Variants in C5orf15 observed in about 807,000 individuals in gnomAD.
C5orf15 encodes keratinocyte-associated transmembrane protein 2.
A neutral mutation model predicts 17.8 loss-of-function variants in C5orf15; 10 were observed. The observed-to-expected ratio is 0.56, with a 90% CI of 0.35 to 0.95. The LOEUF (loss-of-function observed/expected upper bound fraction) is 0.95, where lower values mean the gene tolerates loss of function less well. Among genes scored for constraint, C5orf15 ranks in the 40% least tolerant of loss-of-function variants. C5orf15 has a pLI of 0.02. For synonymous variants in C5orf15, 124 were observed against 131.0 expected, an observed-to-expected ratio of 0.95 and a Z score of 0.36; for missense variants, 319 against 331.7, an observed-to-expected ratio of 0.96 and a Z score of 0.30.
In C5orf15 at chr5:133,968,560, T is replaced by C. The variant is rs1752231159; in HGVS notation, c.25A>G (p.Met9Val). The C allele has an allele frequency of 6.2e-7, 1 of 1,609,956 alleles. No individual in the cohort carries two copies. Among genetic ancestry groups the C allele is most frequent in the African/African-American group, 1.3e-5 (1 of 74,994 alleles). MAAAVPKRMRGPAQAKLLP... is the reference protein window; with the variant it reads MAAAVPKRVRGPAQAKLLP... The stretch of plus-strand genomic sequence containing the variant: ...AGTTTCGCTTGTGCTGGCCCCCTCA[T>C]CCTCTTCGGGACGGCAGCGGCCATA... The change falls in exon 1 of 3, where the codon ATG (methionine) becomes GTG (valine). Residue 9 changes from methionine (M) to valine (V), a missense_variant. Met to Val is a conservative substitution (Grantham distance 21). Coordinates refer to ENST00000231512, the MANE Select transcript of C5orf15 (RefSeq NM_020199.3).
chr5:133,957,494 G>A (rs563274802), intron 2 of C5orf15, among the ~76,000 whole-genome samples: 1 of 152,294 alleles, frequency 6.6e-6, no homozygotes, highest in Admixed American at 6.5e-5. Context: ...TTCAGAGACT[G>A]AGTTAGTACT....
intron 1 of C5orf15, among the ~76,000 whole-genome samples, chr5:133,965,171 G>A (rs999533975): frequency 4.6e-5 from 7 of 151,988 alleles, no homozygotes; most frequent in East Asian, 1.9e-4. Flanking sequence ...ATATGCTCTC[G>A]ATTCAACTCT....
chr5:133,958,699 T>C (rs905386425), intron 2 of C5orf15, among the ~76,000 whole-genome samples: 11 of 151,466 alleles, frequency 7.3e-5, no homozygotes, highest in African/African-American at 2.7e-4. Context: ...AAAACGTTAA[T>C]GCTGAGAAGT....
In C5orf15 at chr5:133,968,607, C is replaced by G. The variant is rs771604817; in HGVS notation, c.-23G>C. 5.7e-6 allele frequency: 9 copies of G among 1,592,654 alleles called. No individual in the cohort carries two copies. Among genetic ancestry groups the G allele is most frequent in the African/African-American group, 1.3e-5 (1 of 74,600 alleles). ...CATAACGGACTCGGCTGGGAGCCTGCGCTGTTGCTAGGCTCTACGCCATGA... is the reference window on the plus strand; with the variant it reads ...CATAACGGACTCGGCTGGGAGCCTGGGCTGTTGCTAGGCTCTACGCCATGA... On this transcript the variant is annotated 5_prime_UTR_variant, in exon 1 of 3. Coordinates refer to ENST00000231512, the MANE Select transcript of C5orf15 (RefSeq NM_020199.3).
At position 133,959,880 on chromosome 5, in the gene C5orf15, T is replaced by A; in HGVS notation, c.280A>T (p.Thr94Ser). ...ACAGATGCTCCTCCACTTTTCTTGG[T>A]ACTCGTCGTGGGAGGGAGGGTGGTG... The part of the protein sequence containing the change: ...ISTTLPPTTS[T>S]KKSGGASVVP... The change falls in exon 2 of 3, where the codon ACC becomes TCC. Residue 94 changes from threonine to serine, a missense_variant. Thr to Ser is a moderately conservative substitution (Grantham distance 58). This residue lies in a region of C5orf15 where 17 missense variants were observed against 43.6 expected (regional missense o/e 0.39). Coordinates refer to ENST00000231512, the MANE Select transcript of C5orf15 (RefSeq NM_020199.3). 6.2e-7 allele frequency: 1 copy of A among 1,614,092 alleles called. No homozygotes were observed. Among genetic ancestry groups the A allele is most frequent in the Non-Finnish European group, 8.5e-7 (1 of 1,179,990 alleles).
chr5:133,966,198 C>T (rs551918238), intron 1 of C5orf15, among the ~76,000 whole-genome samples: 19 of 151,524 alleles, frequency 1.3e-4, no homozygotes, highest in Admixed American at 3.9e-4. Context: ...TCCAGCCTCG[C>T]GACAGACTCA....
chr5:133,957,706 TAG>T (rs1473174135), intron 2 of C5orf15, among the ~76,000 whole-genome samples: 1 of 152,256 alleles, frequency 6.6e-6, no homozygotes, highest in African/African-American at 2.4e-5. Context: ...GAACTATTAT[TAG>T]AGTCACTGAT....
At chr5:133,961,341 C>T (rs1253698763) in intron 1 of C5orf15, among the ~76,000 whole-genome samples, 2 of 149,646 alleles carry the variant, frequency 1.3e-5, no homozygotes, top group Non-Finnish European at 1.5e-5. Context: ...GTCAGGAGCT[C>T]GAGACCATCC....
chr5:133,957,378 C>A (rs201223386), intron 2 of C5orf15, among the ~76,000 whole-genome samples: 75 of 146,944 alleles, frequency 5.1e-4, no homozygotes, highest in East Asian at 8.0e-4. Flanking sequence ...AAAAAAAAAA[C>A]AAAAGCTATT....
intron 1 of C5orf15, among the ~76,000 whole-genome samples, chr5:133,964,715 A>G (rs954991038): frequency 1.3e-5 from 2 of 152,240 alleles, no homozygotes; most frequent in Non-Finnish European, 2.9e-5. Context: ...AATGGCAACT[A>G]CATCTTTGTA....
chr5:133,957,479 C>G (rs117657824), intron 2 of C5orf15, among the ~76,000 whole-genome samples: 56 of 152,288 alleles, frequency 3.7e-4, no homozygotes, highest in East Asian at 2.5e-3. Context: ...TTCCTAGGCT[C>G]TATCTTCAGA....
chr5:133,968,564 C>T lies in C5orf15; in HGVS notation c.21G>A (p.Lys7=). 1 of 1,609,824 alleles carries T rather than the reference C, an allele frequency of 6.2e-7. No individual in the cohort carries two copies. Among genetic ancestry groups the T allele is most frequent in the Non-Finnish European group, 8.5e-7 (1 of 1,178,626 alleles). MAAAVP[K]RMRGPAQAKL... is the part of the protein sequence containing the mutation. ...TCGCTTGTGCTGGCCCCCTCATCCT[C>T]TTCGGGACGGCAGCGGCCATAACGG... The change falls in exon 1 of 3, where the codon AAG becomes AAA. Residue 7 remains lysine (K), a synonymous_variant. Transcript: ENST00000231512.
rs1449582539 is a variant in C5orf15, at chr5:133,959,613, T to G, written c.547A>C (p.Lys183Gln). The change falls in exon 2 of 3, where the codon AAA becomes CAA. Residue 183 changes from lysine to glutamine, a missense_variant. This residue lies in a region of C5orf15 where 175 missense variants were observed against 192.4 expected (regional missense o/e 0.91). Coordinates refer to ENST00000231512, the MANE Select transcript of C5orf15 (RefSeq NM_020199.3). ...TTTGAGGATGGCATCTTAAAAGATT[T>G]CACTGACTGTTCAATTTCCATGTAA... The part of the protein sequence containing the change: ...RGYMEIEQSV[K>Q]SFKMPSSNIE... 5 of 1,613,114 alleles carry G rather than the reference T, an allele frequency of 3.1e-6. No individual in the cohort carries two copies. In the African/African-American group the frequency reaches 6.7e-5, roughly 22 times the overall value.
intron 2 of C5orf15, among the ~76,000 whole-genome samples, chr5:133,957,793 G>A (rs192896440): frequency 7.2e-5 from 11 of 152,364 alleles, no homozygotes; most frequent in Admixed American, 3.3e-4. Flanking sequence ...TCAAGGCCCC[G>A]AAGGGGAAGG....
At chr5:133,967,224 GC>G (rs1486061245) in intron 1 of C5orf15, among the ~76,000 whole-genome samples, 3 of 152,186 alleles carry the variant, frequency 2.0e-5, no homozygotes, top group Non-Finnish European at 4.4e-5. Flanking sequence ...TGATAAAAGG[GC>G]CTTAGGAAAT....
At position 133,957,060 on chromosome 5, in the gene C5orf15, TA is replaced by T. The variant is rs1752051908; in HGVS notation, c.667-71del. ...ATATGGTAAACATTTTTATAACAAG[TA>T]AAATATCTCTCTTCTAGGTTTCTAA... is the stretch of plus-strand genomic sequence containing the variant. On this transcript the variant is annotated intron_variant, in intron 2 of 2. Transcript: ENST00000231512. The T allele has an allele frequency of 4.7e-6, 6 of 1,265,638 alleles. No homozygotes were observed. In the South Asian group the frequency reaches 8.0e-5, roughly 17 times the overall value. 78.4% of individuals were successfully genotyped at this position (1,265,638 alleles called of 1,614,324 possible).
rs1561576384 is a variant in C5orf15 at position 133,968,467 on chromosome 5, C to T, written c.118G>A (p.Val40Met). 6.2e-7 allele frequency: 1 copy of T among 1,604,394 alleles called. No homozygotes were observed. The highest frequency in any genetic ancestry group is 1.7e-5 in the Admixed American group (1 of 58,904). ...TTACCACTGGATAGAGCGGCGGACA[C>T]AAGCAGGAGCGCCAAGACCAGCGGC... ...ARPLVLALLL[V>M]SAALSSVVSR... The change falls in exon 1 of 3, where the codon GTG becomes ATG. Residue 40 changes from valine to methionine, a missense_variant. Around this residue, in one of 3 missense-constraint regions of C5orf15, gnomAD observed 127 missense variants for 95.6 expected, o/e 1.33. Coordinates refer to ENST00000231512, the MANE Select transcript of C5orf15 (RefSeq NM_020199.3).
chr5:133,959,489 C>A lies in C5orf15; in HGVS notation c.666+5G>T. On this transcript the variant is annotated splice_donor_5th_base_variant and intron_variant, in intron 2 of 2. Coordinates refer to ENST00000231512, the MANE Select transcript of C5orf15 (RefSeq NM_020199.3). The stretch of plus-strand genomic sequence containing the variant: ...AATAAAGGGCTAAAAAAATCCCAAA[C>A]CTACCTTCCTTTTGTTGTGATATGT... The A allele has an allele frequency of 1.5e-6, 2 of 1,371,136 alleles. No homozygotes were observed. Among genetic ancestry groups the A allele is most frequent in the Non-Finnish European group, 1.9e-6 (2 of 1,051,414 alleles). The allele number at this position is 1,371,136 out of a possible 1,614,324, so 84.9% of individuals were successfully genotyped here. A position where few individuals can be genotyped will look rare whatever the true frequency, so the allele number is the denominator to read the frequency against.
Position 133,959,490 on chromosome 5 carries a change from C to A in C5orf15, c.666+4G>T. 1 of 1,393,670 alleles carries A rather than the reference C, an allele frequency of 7.2e-7. No homozygotes were observed. The highest frequency in any genetic ancestry group is 9.4e-7 in the Non-Finnish European group (1 of 1,061,350). 86.3% of individuals were successfully genotyped at this position (1,393,670 alleles called of 1,614,324 possible). ...ATAAAGGGCTAAAAAAATCCCAAACCTACCTTCCTTTTGTTGTGATATGTA... is the reference window on the plus strand; with the variant it reads ...ATAAAGGGCTAAAAAAATCCCAAACATACCTTCCTTTTGTTGTGATATGTA... On this transcript the variant is annotated splice_donor_region_variant and intron_variant, in intron 2 of 2. Transcript: ENST00000231512.
Sources: gnomAD v4.1 joint callset for allele counts (sites outside exome capture counted in the v4.1 genomes callset) on GRCh38, gnomAD v4.1.1 for gene constraint, gnomAD v4.1.1 regional missense constraint, MANE v1.5 for transcripts, NCBI Gene and HGNC (gene_info 2026-07-23, HGNC 2026-07-21) for gene names.